The following MDN1 variants were observed in gnomAD, a reference collection of about 807,000 sequenced individuals.
MDN1 encodes the protein midasin.
Under a neutral mutation model 669.2 loss-of-function variants are expected in MDN1, and 266 were observed. That is an observed-to-expected ratio of 0.40 (90% CI 0.36 to 0.44). The LOEUF is 0.44. Ranked by LOEUF, MDN1 falls within the 20% of genes least tolerant of loss-of-function variation. The pLI is 1.00. For synonymous variants in MDN1, 2,385 were observed against 2,457.1 expected, an observed-to-expected ratio of 0.97 and a Z score of 0.87; for missense variants, 5,940 against 6,754.0, an observed-to-expected ratio of 0.88 and a Z score of 4.22.
Position 89,685,957 on chromosome 6 carries a change from G to C in MDN1, c.11589C>G (p.Thr3863=). ...TEEQEDDKQM[T]LMLLVSTLQA... ...GTAATGTGCTGACCAGCAACATCAA[G>C]GTCATCTGTTTGTCATCTTTAAAAA... is the stretch of plus-strand genomic sequence containing the variant. The change falls in exon 70 of 102, where the codon ACC becomes ACG. Residue 3863 remains threonine, a synonymous_variant. Coordinates refer to ENST00000369393, the MANE Select transcript of MDN1 (RefSeq NM_014611.3). 3 of 1,610,998 alleles carry C rather than the reference G, an allele frequency of 1.9e-6. No individual in the cohort carries two copies. The South Asian group carries it at 3.3e-5, about 18-fold the overall frequency.
At chr6:89,739,720 T>C (rs1816185020) in intron 32 of MDN1, among the ~76,000 whole-genome samples, 1 of 152,176 alleles carries the variant, frequency 6.6e-6, no homozygotes, top group African/African-American at 2.4e-5. Context: ...CTCTGCCCTT[T>C]ACTTTATCAG....
intron 34 of MDN1, among the ~76,000 whole-genome samples, chr6:89,731,159 T>C (rs1169775910): frequency 1.1e-4 from 16 of 152,236 alleles, no homozygotes; most frequent in Non-Finnish European, 2.9e-5. Context: ...CACTCAGTGA[T>C]AAATCAGCCT....
Position 89,687,417 on chromosome 6 carries a change from G to A in MDN1, c.11377C>T (p.Arg3793Ter), listed in dbSNP as rs1261354166. 1.9e-6 allele frequency: 3 copies of A among 1,613,734 alleles called. No individual in the cohort carries two copies. The highest frequency in any genetic ancestry group is 1.3e-5 in the African/African-American group (1 of 74,888). ...KAQDWEENASRALSLRKHLDL... is the reference protein window; with the variant it reads ...KAQDWEENAS ...AGATGTTTCCGCAAAGACAAAGCTCGACTTGCATTTTCCTCCCAATCCTAA... is the reference window on the plus strand; with the variant it reads ...AGATGTTTCCGCAAAGACAAAGCTCAACTTGCATTTTCCTCCCAATCCTAA... The change falls in exon 68 of 102, where the codon CGA (arginine) becomes TGA (stop). Residue 3793 changes from arginine (R) to a stop codon, truncating the protein, a stop_gained. Coordinates refer to ENST00000369393, the MANE Select transcript of MDN1 (RefSeq NM_014611.3). LOFTEE classifies it high-confidence loss of function.
intron 34 of MDN1, among the ~76,000 whole-genome samples, chr6:89,731,802 C>G (rs1445586082): frequency 1.4e-5 from 2 of 139,130 alleles, no homozygotes; most frequent in Middle Eastern, 3.4e-3. Context: ...AGTACCGCCC[C>G]CCCCCCCCAC....
chr6:89,644,009 G>A lies in MDN1; in HGVS notation c.16787C>T (p.Pro5596Leu), dbSNP rs1445141079. Residue 5596 changes from proline (P) to leucine (L), a missense_variant, in exon 102 of 102, where the codon CCA (proline) becomes CTA (leucine). By Grantham distance (98) the Pro-to-Leu change is moderately conservative. Around this residue, in one of 5 missense-constraint regions of MDN1, gnomAD observed 2,280 missense variants for 2,576.3 expected, o/e 0.88. Coordinates refer to ENST00000369393, the MANE Select transcript of MDN1 (RefSeq NM_014611.3). Reference sequence around the variant, plus strand: ...CTTTGGACTCTTCTTTCTGTTCTATGGGTGGTCAGAGGCTGTCACCAACTC... The same window carrying A: ...CTTTGGACTCTTCTTTCTGTTCTATAGGTGGTCAGAGGCTGTCACCAACTC... ...WFELVTASDH[P>L] 6.2e-7 allele frequency: 1 copy of A among 1,608,708 alleles called. No individual in the cohort carries two copies. Among genetic ancestry groups the A allele is most frequent in the Admixed American group, 1.7e-5 (1 of 59,478 alleles).
intron 39 of MDN1, 115 bp downstream of exon 39, chr6:89,723,397 C>A: frequency 1.3e-6 from 1 of 741,564 alleles, no homozygotes; most frequent in Non-Finnish European, 2.1e-6. Flanking sequence ...CTGTAGAATT[C>A]AAAGTAATTT....
Position 89,723,021 on chromosome 6 carries a change from A to G in MDN1, c.5901T>C (p.Tyr1967=), listed in dbSNP as rs1299776187. The G allele has an allele frequency of 1.9e-6, 3 of 1,614,134 alleles. No homozygotes were observed. The highest frequency in any genetic ancestry group is 1.7e-5 in the Admixed American group (1 of 60,024). ...LMLVDQSPGC[Y]DPGQHVFLVY... ...CCAAAAACACATGCTGACCAGGATC[A>G]TAACACCCAGGGGACTGGTCAACCA... The change falls in exon 40 of 102, where the codon TAT becomes TAC. Residue 1967 remains tyrosine (Y), a synonymous_variant. Coordinates refer to ENST00000369393, the MANE Select transcript of MDN1 (RefSeq NM_014611.3).
At chr6:89,653,538 T>C (rs1809033968) in intron 93 of MDN1, among the ~76,000 whole-genome samples, 1 of 152,230 alleles carries the variant, frequency 6.6e-6, no homozygotes, top group Non-Finnish European at 1.5e-5. Flanking sequence ...AAAAGATCAA[T>C]AATTTGCTTC....
rs1241701708 is a variant in MDN1 at position 89,712,290 on chromosome 6, A to G, written c.7431-34T>C. On this transcript the variant is annotated intron_variant, in intron 48 of 101. Transcript: ENST00000369393. ...CATTTGAATGAACAAACTCAGTACT[A>G]GAATAACCTTTTATTTCACATTCCA... The G allele has an allele frequency of 4.6e-6, 7 of 1,526,558 alleles. No homozygotes were observed. In the African/African-American group the frequency reaches 6.9e-5, roughly 15 times the overall value. 94.6% of individuals were successfully genotyped at this position (1,526,558 alleles called of 1,614,324 possible).
At position 89,662,176 on chromosome 6, in the gene MDN1, T is replaced by C; in HGVS notation, c.14476A>G (p.Ser4826Gly). ...LDSGNSNKDKSQQDKKEEKEE... is the reference protein window; with the variant it reads ...LDSGNSNKDKGQQDKKEEKEE... ...TTTTCTTCCTTCTTATCTTGCTGGC[T>C]TTTATCTTTGTTTGAATTGCCACTA... The change falls in exon 87 of 102, where the codon AGC becomes GGC. Residue 4826 changes from serine (S) to glycine (G), a missense_variant. Transcript: ENST00000369393. 6.2e-7 allele frequency: 1 copy of C among 1,614,112 alleles called. No homozygotes were observed. The highest frequency in any genetic ancestry group is 8.5e-7 in the Non-Finnish European group (1 of 1,180,024).
At chr6:89,721,336 C>T (rs1006037272) in intron 40 of MDN1, among the ~76,000 whole-genome samples, 1 of 152,200 alleles carries the variant, frequency 6.6e-6, no homozygotes, top group African/African-American at 2.4e-5. Context: ...AGGCATTAGA[C>T]AGAAAGCTGA....
At chr6:89,710,165 A>G (rs1203062847) in intron 50 of MDN1, among the ~76,000 whole-genome samples, 2 of 152,228 alleles carry the variant, frequency 1.3e-5, no homozygotes, top group African/African-American at 4.8e-5. Context: ...ATACTGGTAG[A>G]CAACACAAAG....
At position 89,673,281 on chromosome 6, in the gene MDN1, A is replaced by G. The variant is rs1291693014; in HGVS notation, c.13429T>C (p.Phe4477Leu). Reference sequence around the variant, plus strand: ...AGCAGATGGGTCTTCCAGGTAGTAAAGTCAGCCATGGCTTTACTAATTTCT... The same window carrying G: ...AGCAGATGGGTCTTCCAGGTAGTAAGGTCAGCCATGGCTTTACTAATTTCT... ...RGEISKAMAD[F>L]TTWKTHLLTS... Residue 4477 changes from phenylalanine (F) to leucine (L), a missense_variant, in exon 80 of 102, where the codon TTT (phenylalanine) becomes CTT (leucine). Transcript: ENST00000369393. 1.9e-6 allele frequency: 3 copies of G among 1,614,068 alleles called. No homozygotes were observed. Among genetic ancestry groups the G allele is most frequent in the Non-Finnish European group, 2.5e-6 (3 of 1,180,034 alleles).
chr6:89,745,134 T>TAAAAAAAAAAAAAAA (rs60588845), intron 29 of MDN1, 139 bp downstream of exon 29: 31 of 282,988 alleles, frequency 1.1e-4, no homozygotes, highest in East Asian at 1.0e-3. Flanking sequence ...AGTCTCTTCT[T>TAAAAAAAAAAAAAAA]AAAAAAAAAA....
At chr6:89,739,455 G>A (rs945483165) in intron 32 of MDN1, among the ~76,000 whole-genome samples, 2 of 152,074 alleles carry the variant, frequency 1.3e-5, no homozygotes, top group African/African-American at 4.8e-5. Context: ...ATGATACTGA[G>A]GAAACCTAGG....
At position 89,712,788 on chromosome 6, in the gene MDN1, T is replaced by G; in HGVS notation, c.7219-2A>C. On this transcript the variant is annotated splice_acceptor_variant, in intron 47 of 101. Transcript: ENST00000369393. LOFTEE classifies it high-confidence loss of function. ...TTTCTCCAGTAAAGCCTGTACAAGC[T>G]GGTAGGAGACAAAAACACAATACAG... The G allele has an allele frequency of 6.2e-7, 1 of 1,613,798 alleles. No homozygotes were observed.
Position 89,655,753 on chromosome 6 carries a change from C to T in MDN1, c.15490+11G>A, listed in dbSNP as rs1309323781. ...CAGTGGGCAAAGGCAGCAGCTTTCCCAGGACCGTACCATAGGTCTGTGCAT... is the reference window on the plus strand; with the variant it reads ...CAGTGGGCAAAGGCAGCAGCTTTCCTAGGACCGTACCATAGGTCTGTGCAT... On this transcript the variant is annotated intron_variant, in intron 92 of 101. Coordinates refer to ENST00000369393, the MANE Select transcript of MDN1 (RefSeq NM_014611.3). The T allele has an allele frequency of 6.3e-7, 1 of 1,587,918 alleles. No homozygotes were observed. The highest frequency in any genetic ancestry group is 8.6e-7 in the Non-Finnish European group (1 of 1,166,464).
At chr6:89,812,654 G>T (rs1768512852) in intron 1 of MDN1, among the ~76,000 whole-genome samples, 1 of 151,854 alleles carries the variant, frequency 6.6e-6, no homozygotes, top group African/African-American at 2.4e-5. Context: ...TTAATTAAAA[G>T]GATAAGGCAA....
chr6:89,734,691 A>AAAAAACGAGAGAGAGAGAG (rs1554188774), intron 33 of MDN1, among the ~76,000 whole-genome samples: 2 of 112,996 alleles, frequency 1.8e-5, no homozygotes, highest in Admixed American at 1.2e-4. Flanking sequence ...AAAAAAAAAC[A>AAAAAACGAGAGAGAGAGAG]AGAGAGAGAG....
Sources: gnomAD v4.1 joint callset for allele counts (sites outside exome capture counted in the v4.1 genomes callset) on GRCh38, gnomAD v4.1.1 for gene constraint, gnomAD v4.1.1 regional missense constraint, MANE v1.5 for transcripts, NCBI Gene and HGNC (gene_info 2026-07-23, HGNC 2026-07-21) for gene names.